ST8SIA6: variants seen among roughly 807,000 people sequenced by gnomAD.
ST8SIA6 encodes ST8 alpha-N-acetyl-neuraminide alpha-2,8-sialyltransferase 6, also known as alpha-2,8-sialyltransferase 8F.
A neutral mutation model predicts 33.6 loss-of-function variants in ST8SIA6; 39 were observed. The observed-to-expected ratio is 1.16, with a 90% CI of 0.90 to 1.52. The LOEUF is 1.52. Among genes scored for constraint, ST8SIA6 ranks in the 40% most tolerant of loss-of-function variants. The pLI is 0.00. For missense variants in ST8SIA6, 441 were observed against 443.8 expected (o/e 0.99, Z 0.06); for synonymous variants, 172 against 167.2 (o/e 1.03, Z -0.22).
chr10:17,357,458 T>G (rs533706202), intron 4 of ST8SIA6, among the ~76,000 whole-genome samples: 2 of 151,888 alleles, frequency 1.3e-5, no homozygotes, highest in East Asian at 2.0e-4. Flanking sequence ...TAAAAACTGG[T>G]TTTTCCAGGG....
At chr10:17,437,795 A>G (rs1043991961) in intron 2 of ST8SIA6, among the ~76,000 whole-genome samples, 4 of 149,894 alleles carry the variant, frequency 2.7e-5, no homozygotes, top group Non-Finnish European at 4.4e-5. Context: ...CAGTGGCCCA[A>G]TCTTGGCTCA....
rs1287015759 is a variant in ST8SIA6 at position 17,320,958 on chromosome 10, G to A, written c.1117C>T (p.Pro373Ser). The change falls in exon 8 of 8, where the codon CCC becomes TCC. Residue 373 changes from proline (P) to serine (S), a missense_variant. Transcript: ENST00000377602. ...KLPKHGFHQMPKEYSQILQLH... is the reference protein window; with the variant it reads ...KLPKHGFHQMSKEYSQILQLH... Reference sequence around the variant, plus strand: ...TGGAGGATCTGGCTGTATTCTTTGGGCATCTGATGGAAACCATGTTTAGGT... The same window carrying A: ...TGGAGGATCTGGCTGTATTCTTTGGACATCTGATGGAAACCATGTTTAGGT... 9 of 1,614,032 alleles carry A rather than the reference G, an allele frequency of 5.6e-6. No homozygotes were observed. In the East Asian group the frequency reaches 2.0e-4, roughly 36 times the overall value.
chr10:17,357,599 C>T (rs963163374), intron 4 of ST8SIA6, among the ~76,000 whole-genome samples: 25 of 152,186 alleles, frequency 1.6e-4, no homozygotes, highest in African/African-American at 5.3e-4. Flanking sequence ...CAAAAACCAG[C>T]CCAAATTGAT....
At chr10:17,398,226 C>T (rs1850893422) in intron 2 of ST8SIA6, among the ~76,000 whole-genome samples, 1 of 151,952 alleles carries the variant, frequency 6.6e-6, no homozygotes, top group Admixed American at 6.6e-5. Flanking sequence ...ACTCAGGAGG[C>T]TGAGGCAGGA....
intron 2 of ST8SIA6, among the ~76,000 whole-genome samples, chr10:17,400,806 A>C (rs1016767827): frequency 2.0e-5 from 3 of 152,230 alleles, no homozygotes; most frequent in Non-Finnish European, 4.4e-5. Flanking sequence ...ATCTATGACA[A>C]ACCCACAGCC....
chr10:17,391,861 T>C (rs1850626122), intron 2 of ST8SIA6, among the ~76,000 whole-genome samples: 1 of 152,206 alleles, frequency 6.6e-6, no homozygotes, highest in Admixed American at 6.5e-5. Flanking sequence ...TCAAGGATAA[T>C]TGTGCTTACC....
chr10:17,323,231 A>ACG (rs1848018688), intron 6 of ST8SIA6, 74 bp from the exon 7 acceptor site: 21 of 228,862 alleles, frequency 9.2e-5, no homozygotes, highest in African/African-American at 3.7e-4. Flanking sequence ...ATATGCGCGC[A>ACG]CACACACACA....
At chr10:17,392,554 A>G (rs61842124) in intron 2 of ST8SIA6, among the ~76,000 whole-genome samples, 3,964 of 152,192 alleles carry the variant, frequency 0.026, 66 homozygotes, top group Non-Finnish European at 0.04. Context: ...TGGTTCCAAA[A>G]TGGGGAGCAG....
At chr10:17,437,593 G>A (rs1229757615) in intron 2 of ST8SIA6, among the ~76,000 whole-genome samples, 1 of 151,280 alleles carries the variant, frequency 6.6e-6, no homozygotes, top group Admixed American at 6.6e-5. Flanking sequence ...CCACATTCAG[G>A]CCCCTTGGAC....
At chr10:17,428,607 CAG>C (rs1440873805) in intron 2 of ST8SIA6, among the ~76,000 whole-genome samples, 5 of 151,828 alleles carry the variant, frequency 3.3e-5, no homozygotes, top group Non-Finnish European at 7.4e-5. Flanking sequence ...GCTGTGTCTC[CAG>C]GGAGGAGCTA....
chr10:17,401,870 G>A (rs1425771944), intron 2 of ST8SIA6, among the ~76,000 whole-genome samples: 3,644 of 150,830 alleles, frequency 0.024, 54 homozygotes, highest in South Asian at 0.046. Flanking sequence ...ACATAGGCAT[G>A]GGCAGGGACT....
intron 2 of ST8SIA6, among the ~76,000 whole-genome samples, chr10:17,402,921 A>T (rs562562820): frequency 2.0e-5 from 3 of 152,360 alleles, no homozygotes; most frequent in African/African-American, 7.2e-5. Context: ...ACTTAAAAGT[A>T]TAATAATAAA....
At chr10:17,401,769 C>A (rs1054009041) in intron 2 of ST8SIA6, among the ~76,000 whole-genome samples, 5 of 152,104 alleles carry the variant, frequency 3.3e-5, no homozygotes, top group Non-Finnish European at 5.9e-5. Context: ...ACACCTTGTA[C>A]AAAAATTAAT....
At chr10:17,344,667 TTGGAAATTG>T (rs1246332729) in intron 4 of ST8SIA6, among the ~76,000 whole-genome samples, 2 of 152,168 alleles carry the variant, frequency 1.3e-5, no homozygotes, top group Non-Finnish European at 2.9e-5. Flanking sequence ...TTTGGAAATT[TTGGAAATTG>T]TGATTAAATA....
chr10:17,447,040 A>G (rs1852734957), intron 2 of ST8SIA6, among the ~76,000 whole-genome samples: 2 of 151,312 alleles, frequency 1.3e-5, no homozygotes, highest in South Asian at 2.1e-4. Context: ...AAAAAAAAAA[A>G]AGAAAAAGAG....
At chr10:17,397,101 C>T (rs1850832089) in intron 2 of ST8SIA6, among the ~76,000 whole-genome samples, 1 of 152,130 alleles carries the variant, frequency 6.6e-6, no homozygotes, top group South Asian at 2.1e-4. Flanking sequence ...ACTGGTGTTC[C>T]CCCATACACT....
At chr10:17,341,727 C>T (rs1436491477) in intron 4 of ST8SIA6, among the ~76,000 whole-genome samples, 1 of 151,530 alleles carries the variant, frequency 6.6e-6, no homozygotes, top group Non-Finnish European at 1.5e-5. Flanking sequence ...GGTGAAACCC[C>T]CATCTCTACT....
intron 4 of ST8SIA6, among the ~76,000 whole-genome samples, chr10:17,353,660 A>C (rs1003643449): frequency 7.9e-5 from 12 of 152,342 alleles, no homozygotes; most frequent in Non-Finnish European, 1.8e-4. Context: ...GCCACAGTGT[A>C]ATAGTTATCT....
At chr10:17,324,098 T>C (rs1008501151) in intron 6 of ST8SIA6, among the ~76,000 whole-genome samples, 4 of 152,202 alleles carry the variant, frequency 2.6e-5, no homozygotes, top group East Asian at 1.9e-4. Context: ...AATTCTAATT[T>C]TGAGTAATTA....
Sources: allele counts gnomAD v4.1 joint callset (sites outside exome capture counted in the v4.1 genomes callset), GRCh38; gene constraint gnomAD v4.1.1; transcripts MANE v1.5; gene names NCBI Gene and HGNC (gene_info 2026-07-23, HGNC 2026-07-21).